The following FRMPD4 variants were observed in gnomAD, a reference collection of about 807,000 sequenced individuals.
FRMPD4 encodes the protein FERM and PDZ domain containing 4, also known as FERM and PDZ domain-containing protein 4.
A neutral mutation model predicts 94.1 loss-of-function variants in FRMPD4; 22 were observed. That is an observed-to-expected ratio of 0.23 (90% CI 0.17 to 0.33). The LOEUF (loss-of-function observed/expected upper bound fraction) is 0.33, where lower values mean the gene tolerates loss of function less well. Ranked by LOEUF, FRMPD4 falls within the 10% of genes least tolerant of loss-of-function variation. FRMPD4 has a pLI of 1.00. For synonymous variants in FRMPD4, 631 were observed against 548.6 expected, an observed-to-expected ratio of 1.15 and a Z score of -2.10; for missense variants, 1,111 against 1,339.9, an observed-to-expected ratio of 0.83 and a Z score of 2.67.
At chrX:11,988,874 T>G (rs1473220453) in intron 3 of FRMPD4, among the ~76,000 whole-genome samples, 3 of 111,732 alleles carry the variant, frequency 2.7e-5, no homozygotes, top group Non-Finnish European at 5.7e-5. Flanking sequence ...TCATTGAACA[T>G]CAGAATAATG....
At chrX:12,710,968 C>T (rs2041975401) in intron 14 of FRMPD4, among the ~76,000 whole-genome samples, 1 of 111,482 alleles carries the variant, frequency 9.0e-6, no homozygotes, top group South Asian at 3.8e-4. Context: ...ACAAAAAAAT[C>T]AAATGTCCAA....
intron 3 of FRMPD4, among the ~76,000 whole-genome samples, chrX:11,999,153 G>T (rs1409605418): frequency 9.0e-6 from 1 of 111,213 alleles, no homozygotes; most frequent in Non-Finnish European, 1.9e-5. Flanking sequence ...CCTGGAGGGG[G>T]CTTGGAAGAT....
chrX:12,500,058 A>G (rs1272658477), intron 2 of FRMPD4, among the ~76,000 whole-genome samples: 1 of 111,489 alleles, frequency 9.0e-6, no homozygotes, highest in Non-Finnish European at 1.9e-5. Flanking sequence ...GAGCATTTCT[A>G]TTTCTCAAAA....
intron 3 of FRMPD4, among the ~76,000 whole-genome samples, chrX:11,961,254 C>T (rs966736548): frequency 2.7e-5 from 3 of 112,169 alleles, no homozygotes; most frequent in African/African-American, 9.7e-5. Flanking sequence ...TCTGGAGCTT[C>T]TCCTCCTCTC....
At chrX:12,575,506 G>A (rs959855082) in intron 2 of FRMPD4, among the ~76,000 whole-genome samples, 7 of 111,245 alleles carry the variant, frequency 6.3e-5, no homozygotes, top group African/African-American at 2.0e-4. Flanking sequence ...TTGACAGCTA[G>A]TAGCCCTTTC....
At chrX:11,861,959 T>C (rs764981735) in intron 1 of FRMPD4, among the ~76,000 whole-genome samples, 1 of 111,583 alleles carries the variant, frequency 9.0e-6, no homozygotes, top group East Asian at 2.8e-4. Context: ...GAAACTTCAA[T>C]TATGGCAGAA....
At chrX:12,671,636 A>G (rs2059845239) in intron 4 of FRMPD4, among the ~76,000 whole-genome samples, 1 of 110,807 alleles carries the variant, frequency 9.0e-6, no homozygotes, top group Admixed American at 9.6e-5. Flanking sequence ...CCTAATGTAA[A>G]TGACAGATTG....
intron 1 of FRMPD4, among the ~76,000 whole-genome samples, chrX:12,468,321 T>C (rs556508079): frequency 1.2e-3 from 134 of 112,013 alleles, no homozygotes; most frequent in South Asian, 7.4e-3. Flanking sequence ...CAAATTATGG[T>C]TTTATAAGGG....
intron 1 of FRMPD4, among the ~76,000 whole-genome samples, chrX:12,382,421 C>T (rs1409795888): frequency 9.1e-6 from 1 of 109,832 alleles, no homozygotes; most frequent in African/African-American, 3.4e-5. Flanking sequence ...CTTGGGGATG[C>T]TGTGACCCAG....
chrX:12,250,048 CTGTG>C (rs748541779), intron 1 of FRMPD4, among the ~76,000 whole-genome samples: 308 of 78,014 alleles, frequency 3.9e-3, no homozygotes, highest in Non-Finnish European at 5.4e-3. Context: ...CTCTCTCTCT[CTGTG>C]TGTGTGTGTG....
intron 3 of FRMPD4, among the ~76,000 whole-genome samples, chrX:12,112,343 C>A (rs1323674370): frequency 1.8e-5 from 2 of 110,623 alleles, no homozygotes; most frequent in Non-Finnish European, 3.8e-5. Context: ...CGCATGTTCT[C>A]ACTCATAGGT....
At chrX:12,025,049 AT>A (rs72137465) in intron 3 of FRMPD4, among the ~76,000 whole-genome samples, 14,129 of 108,602 alleles carry the variant, frequency 0.13, 1,071 homozygotes, top group African/African-American at 0.26. Flanking sequence ...TTATTGTACA[AT>A]TTTTTTTTCT....
intron 3 of FRMPD4, among the ~76,000 whole-genome samples, chrX:12,064,044 T>C (rs1219055784): frequency 8.9e-6 from 1 of 111,881 alleles, no homozygotes; most frequent in Non-Finnish European, 1.9e-5. Context: ...GAACCTTCCA[T>C]ATGTCTATAT....
chrX:12,285,800 G>A (rs561772408), intron 1 of FRMPD4, among the ~76,000 whole-genome samples: 1 of 111,994 alleles, frequency 8.9e-6, no homozygotes, highest in African/African-American at 3.2e-5. Context: ...CCCCAATGCC[G>A]GGTGTATCTG....
intron 4 of FRMPD4, among the ~76,000 whole-genome samples, chrX:12,653,571 G>A (rs1344234262): frequency 2.7e-5 from 3 of 111,507 alleles, no homozygotes; most frequent in Non-Finnish European, 5.6e-5. Flanking sequence ...TCTCAGAAGG[G>A]TTGCATGGAG....
intron 2 of FRMPD4, among the ~76,000 whole-genome samples, chrX:12,570,233 G>A (rs1171920645): frequency 9.0e-6 from 1 of 111,701 alleles, no homozygotes; most frequent in African/African-American, 3.3e-5. Flanking sequence ...AGTGCCTCAG[G>A]GCAGCATCCA....
At chrX:12,712,569 AT>A (rs952825597) in intron 14 of FRMPD4, among the ~76,000 whole-genome samples, 4 of 111,383 alleles carry the variant, frequency 3.6e-5, no homozygotes, top group African/African-American at 1.3e-4. Flanking sequence ...AAATAAATAA[AT>A]TAGAACGTGA....
chrX:12,278,543 A>C (rs2054476924), intron 1 of FRMPD4, among the ~76,000 whole-genome samples: 1 of 112,419 alleles, frequency 8.9e-6, no homozygotes, highest in South Asian at 3.7e-4. Flanking sequence ...TAATACCTAA[A>C]AAAACTCCTC....
At chrX:12,407,464 T>C (rs1331274954) in intron 1 of FRMPD4, among the ~76,000 whole-genome samples, 2 of 111,987 alleles carry the variant, frequency 1.8e-5, no homozygotes, top group African/African-American at 3.2e-5. Context: ...TTGCCTCAGA[T>C]TCCTCTATCT....
Sources: gnomAD v4.1 joint callset for allele counts (sites outside exome capture counted in the v4.1 genomes callset) on GRCh38, gnomAD v4.1.1 for gene constraint, MANE v1.5 for transcripts, NCBI Gene and HGNC (gene_info 2026-07-23, HGNC 2026-07-21) for gene names.